C5: variants seen among roughly 807,000 people sequenced by gnomAD.
C5 encodes the protein complement C5.
In C5, 140 loss-of-function variants were observed where a neutral mutation model predicts 218.8. That is an observed-to-expected ratio of 0.64 (90% CI 0.56 to 0.74). The LOEUF is 0.74. Among genes scored for constraint, C5 ranks in the 30% least tolerant of loss-of-function variants. The probability of loss-of-function intolerance (pLI) is 0.00; values close to 1 mark genes in which losing one functional copy is unlikely to be tolerated. For synonymous variants in C5, 614 were observed against 682.3 expected (o/e 0.90, Z 1.56); for missense variants, 1,700 against 1,969.6 (o/e 0.86, Z 2.59).
chr9:120,991,008 G>T (rs2047073037), intron 23 of C5, among the ~76,000 whole-genome samples, 183 bp downstream of exon 23: 1 of 152,216 alleles, frequency 6.6e-6, no homozygotes, highest in South Asian at 2.1e-4. Flanking sequence ...GTTGGAAGAA[G>T]ATAGTGGGAA....
chr9:120,994,441 G>C (rs2131719667), intron 22 of C5, among the ~76,000 whole-genome samples: 1 of 152,060 alleles, frequency 6.6e-6, no homozygotes, highest in South Asian at 2.1e-4. Flanking sequence ...AAATTGGCCA[G>C]GCATGGTGGT....
intron 1 of C5, among the ~76,000 whole-genome samples, chr9:121,048,397 A>G (rs1022657833): frequency 6.6e-6 from 1 of 152,232 alleles, no homozygotes; most frequent in Non-Finnish European, 1.5e-5. Context: ...AGATTCTCCT[A>G]GGAGCATGAA....
chr9:120,953,646 A>G (rs894809550), intron 40 of C5, 84 bp downstream of exon 40: 82 of 1,353,636 alleles, frequency 6.1e-5, no homozygotes, highest in Non-Finnish European at 8.1e-5. Flanking sequence ...GAGCAGGGCC[A>G]TAAGAAACAC....
chr9:121,056,608 A>G, the C5 span, among the ~76,000 whole-genome samples: 1,146 of 152,280 alleles, frequency 7.5e-3, 8 homozygotes, highest in Non-Finnish European at 0.013. Context: ...GAGTCTCTCA[A>G]TAGCAGACTT....
At chr9:121,060,556 A>C in the C5 span, among the ~76,000 whole-genome samples, 1 of 152,184 alleles carries the variant, frequency 6.6e-6, no homozygotes, top group Non-Finnish European at 1.5e-5. Flanking sequence ...AAGACATGCT[A>C]AAGTCTCTGT....
At position 121,018,742 on chromosome 9, in the gene C5, AAAGGAAGGAAGGAAGGAAGG is replaced by A. The variant is rs765624136; in HGVS notation, c.1507-910_1507-891del. On this transcript the variant is annotated intron_variant, in intron 12 of 40. Coordinates refer to ENST00000223642, the MANE Select transcript of C5 (RefSeq NM_001735.3). ...GAAAGAAAGAAGGAAGGAAGGAAGG[AAAGGAAGGAAGGAAGGAAGG>A]AAGGAAGGAAGGAAGGAAGGAAGGA... is the stretch of plus-strand genomic sequence containing the variant. 1.4e-3 allele frequency among the ~76,000 whole-genome samples: 134 copies of A among 99,224 alleles called. 1 individual carries two copies. Among genetic ancestry groups the A allele is most frequent in the African/African-American group, 5.1e-3 (118 of 23,120 alleles). 65.1% of individuals were successfully genotyped at this position (99,224 alleles called of 152,430 possible).
At chr9:120,961,869 G>T (rs568128878) in intron 36 of C5, among the ~76,000 whole-genome samples, 1 of 152,208 alleles carries the variant, frequency 6.6e-6, no homozygotes, top group East Asian at 1.9e-4. Flanking sequence ...TCTTTTGAAA[G>T]AGTTGGAATT....
chr9:121,039,405 G>A (rs547326403), intron 3 of C5, among the ~76,000 whole-genome samples: 148 of 152,174 alleles, frequency 9.7e-4, no homozygotes, highest in African/African-American at 3.4e-3. Context: ...TTGGGAGGCC[G>A]AGGTAAGTGG....
At chr9:121,011,740 G>C (rs1408755993) in intron 17 of C5, among the ~76,000 whole-genome samples, 1 of 152,158 alleles carries the variant, frequency 6.6e-6, no homozygotes, top group Non-Finnish European at 1.5e-5. Context: ...TCCATCAACA[G>C]ATAAATGGAT....
intron 14 of C5, 114 bp downstream of exon 14, chr9:121,017,248 T>C (rs956557210): frequency 8.3e-7 from 1 of 1,209,632 alleles, no homozygotes; most frequent in Non-Finnish European, 1.2e-6. Flanking sequence ...TAAAAATGAG[T>C]ATGTTGAGTA....
chr9:121,020,293 A>T, intron 11 of C5, 114 bp from the exon 12 acceptor site: 1 of 879,322 alleles, frequency 1.1e-6, no homozygotes, highest in South Asian at 1.4e-5. Flanking sequence ...ACAATAACAA[A>T]TGCTAAAGGG....
At position 120,970,162 on chromosome 9, in the gene C5, GT is replaced by G. The variant is rs778208077; in HGVS notation, c.4162+7del. Reference sequence around the variant, plus strand: ...CCAAAATTACAGCGTAAATCCTGCTGTTTTTACCTTCAATATCCTGAGTATC... The same window carrying G: ...CCAAAATTACAGCGTAAATCCTGCTGTTTTACCTTCAATATCCTGAGTATC... On this transcript the variant is annotated splice_region_variant and intron_variant, in intron 32 of 40. Transcript: ENST00000223642. 1.3e-6 allele frequency: 2 copies of G among 1,596,060 alleles called. No individual in the cohort carries two copies. Among genetic ancestry groups the G allele is most frequent in the Non-Finnish European group, 1.7e-6 (2 of 1,163,938 alleles).
chr9:120,986,366 T>TAAA (rs11394255), intron 25 of C5, among the ~76,000 whole-genome samples: 2 of 146,076 alleles, frequency 1.4e-5, no homozygotes, highest in African/African-American at 5.0e-5. Context: ...CAATGTTCTT[T>TAAA]AAAAAAAAAA....
At chr9:120,973,580 T>C (rs1269250781) in intron 30 of C5, among the ~76,000 whole-genome samples, 1 of 152,254 alleles carries the variant, frequency 6.6e-6, no homozygotes. Context: ...CAGGTTTTTA[T>C]TTGAAATATC....
intron 8 of C5, among the ~76,000 whole-genome samples, chr9:121,026,630 A>G (rs1255899202): frequency 6.6e-6 from 1 of 152,174 alleles, no homozygotes; most frequent in African/African-American, 2.4e-5. Flanking sequence ...GTCTCTGGAC[A>G]TTGCCAAATG....
chr9:120,994,922 GA>G (rs11306867), intron 22 of C5, among the ~76,000 whole-genome samples: 52,317 of 133,832 alleles, frequency 0.39, 11,287 homozygotes, highest in South Asian at 0.63. Context: ...CATCTGTGGT[GA>G]AAAAAAAAAA....
At chr9:120,982,200 C>T (rs1200582527) in intron 26 of C5, among the ~76,000 whole-genome samples, 5 of 152,132 alleles carry the variant, frequency 3.3e-5, no homozygotes, top group African/African-American at 9.7e-5. Context: ...TTAGTAGAGA[C>T]GGGGTTTCAC....
At chr9:121,062,058 T>G in the C5 span, among the ~76,000 whole-genome samples, 4 of 148,296 alleles carry the variant, frequency 2.7e-5, no homozygotes, top group African/African-American at 1.0e-4. Context: ...TTTTTGTTGT[T>G]GTTGTTTTTC....
chr9:121,020,862 T>C (rs547232409), intron 11 of C5, among the ~76,000 whole-genome samples: 1 of 152,304 alleles, frequency 6.6e-6, no homozygotes, highest in East Asian at 1.9e-4. Context: ...AAGATAATAT[T>C]CTAACTCATC....
Sources: allele counts gnomAD v4.1 joint callset (sites outside exome capture counted in the v4.1 genomes callset), GRCh38; gene constraint gnomAD v4.1.1; transcripts MANE v1.5; gene names NCBI Gene and HGNC (gene_info 2026-07-23, HGNC 2026-07-21).